The following SEC22A variants were observed in gnomAD, a reference collection of about 807,000 sequenced individuals.
The protein encoded by SEC22A is vesicle-trafficking protein SEC22a.
In SEC22A, 22 loss-of-function variants were observed where a neutral mutation model predicts 35.3. The observed-to-expected ratio is 0.62, with a 90% CI of 0.45 to 0.89. SEC22A has a LOEUF of 0.89. Ranked by LOEUF, SEC22A falls within the 40% of genes least tolerant of loss-of-function variation. SEC22A has a pLI of 0.00. For missense variants in SEC22A, 354 were observed against 362.5 expected (o/e 0.98, Z 0.19); for synonymous variants, 119 against 129.5 (o/e 0.92, Z 0.55).
At chr3:123,242,657 A>G (rs1937534518) in intron 4 of SEC22A, among the ~76,000 whole-genome samples, 1 of 152,222 alleles carries the variant, frequency 6.6e-6, no homozygotes, top group African/African-American at 2.4e-5. Context: ...TAGAAAGAGC[A>G]TGGGCTCTGC....
chr3:123,215,287 C>G (rs1268607816), intron 2 of SEC22A, among the ~76,000 whole-genome samples: 1 of 152,200 alleles, frequency 6.6e-6, no homozygotes, highest in African/African-American at 2.4e-5. Flanking sequence ...CAGTCTCTCA[C>G]CTTTTGCAGA....
At chr3:123,218,404 A>T (rs2108039914) in intron 2 of SEC22A, among the ~76,000 whole-genome samples, 1 of 152,318 alleles carries the variant, frequency 6.6e-6, no homozygotes, top group East Asian at 1.9e-4. Context: ...GTAGGAAAAA[A>T]CCTTGGCAAT....
chr3:123,269,844 G>A (rs930174704), intron 6 of SEC22A, among the ~76,000 whole-genome samples: 1 of 151,996 alleles, frequency 6.6e-6, no homozygotes, highest in African/African-American at 2.4e-5. Context: ...GTGTTAGCCA[G>A]GATGGTCTCA....
intron 3 of SEC22A, among the ~76,000 whole-genome samples, chr3:123,224,020 A>G (rs1040791731): frequency 5.9e-5 from 9 of 152,192 alleles, no homozygotes; most frequent in Admixed American, 3.3e-4. Context: ...ATAATCTTTT[A>G]TAGTCTGCTT....
At chr3:123,247,298 G>T (rs988002865) in intron 5 of SEC22A, among the ~76,000 whole-genome samples, 3 of 152,140 alleles carry the variant, frequency 2.0e-5, no homozygotes, top group Admixed American at 2.0e-4. Flanking sequence ...GGTGAAGCAG[G>T]CTTGGGCTTG....
intron 4 of SEC22A, among the ~76,000 whole-genome samples, chr3:123,239,114 C>T (rs1380675296): frequency 6.6e-6 from 1 of 151,920 alleles, no homozygotes; most frequent in African/African-American, 2.4e-5. Flanking sequence ...GTGTCCACCC[C>T]GTTTTAAAGT....
chr3:123,231,925 C>G (rs1466949079), intron 4 of SEC22A, among the ~76,000 whole-genome samples: 1 of 152,064 alleles, frequency 6.6e-6, no homozygotes, highest in African/African-American at 2.4e-5. Flanking sequence ...TAGATTGACC[C>G]AGAAAATAAT....
intron 6 of SEC22A, among the ~76,000 whole-genome samples, chr3:123,266,564 T>C (rs1938030860): frequency 6.6e-6 from 1 of 152,188 alleles, no homozygotes; most frequent in Non-Finnish European, 1.5e-5. Flanking sequence ...TTGCATCGTT[T>C]CACTTCTAAA....
At chr3:123,258,932 A>G (rs938951722) in intron 5 of SEC22A, among the ~76,000 whole-genome samples, 1 of 152,186 alleles carries the variant, frequency 6.6e-6, no homozygotes, top group African/African-American at 2.4e-5. Context: ...GAGACATTCT[A>G]TGCATGAGGT....
chr3:123,259,950 G>A (rs892709006), intron 6 of SEC22A, among the ~76,000 whole-genome samples: 17 of 151,896 alleles, frequency 1.1e-4, no homozygotes, highest in African/African-American at 3.6e-4. Context: ...TGGCCAACAC[G>A]GTGAAACCTT....
chr3:123,231,418 A>T (rs1937323611), intron 4 of SEC22A, among the ~76,000 whole-genome samples: 1 of 152,228 alleles, frequency 6.6e-6, no homozygotes, highest in South Asian at 2.1e-4. Context: ...AAGCTAAACA[A>T]AACAAAAAGA....
chr3:123,208,068 T>G (rs1212970988), intron 1 of SEC22A, among the ~76,000 whole-genome samples: 1 of 152,204 alleles, frequency 6.6e-6, no homozygotes, highest in Non-Finnish European at 1.5e-5. Flanking sequence ...CTGCATCCGT[T>G]TTTCAATCCC....
intron 1 of SEC22A, among the ~76,000 whole-genome samples, chr3:123,206,679 A>G (rs1278167385): frequency 6.6e-6 from 1 of 152,212 alleles, no homozygotes; most frequent in Non-Finnish European, 1.5e-5. Context: ...TTAGGAGAGA[A>G]AAAAACTAGA....
intron 2 of SEC22A, among the ~76,000 whole-genome samples, chr3:123,216,015 G>C (rs1937015868): frequency 1.3e-5 from 2 of 152,180 alleles, no homozygotes; most frequent in Admixed American, 1.3e-4. Context: ...GTTGGGGGAA[G>C]GAGATAACCT....
At chr3:123,228,969 A>G (rs1455482727) in intron 4 of SEC22A, among the ~76,000 whole-genome samples, 2 of 152,216 alleles carry the variant, frequency 1.3e-5, no homozygotes, top group African/African-American at 4.8e-5. Flanking sequence ...AACAGAAAAA[A>G]GAATGAAGAA....
intron 5 of SEC22A, among the ~76,000 whole-genome samples, chr3:123,253,651 G>C (rs1355573994): frequency 1.3e-5 from 2 of 149,214 alleles, no homozygotes; most frequent in African/African-American, 2.5e-5. Context: ...GGCGGAGGTT[G>C]TAGTGAGCCG....
rs1254430359 is a variant in SEC22A at position 123,269,868 on chromosome 3, G to A, written c.724-1654G>A. On this transcript the variant is annotated intron_variant, in intron 6 of 6. Coordinates refer to ENST00000492595, the MANE Select transcript of SEC22A (RefSeq NM_012430.5). Reference sequence around the variant, plus strand: ...AGGATGGTCTCAATCTCCTGACCTCGTGATCCGCCTGCCTGGGCCTCCCAA... The same window carrying A: ...AGGATGGTCTCAATCTCCTGACCTCATGATCCGCCTGCCTGGGCCTCCCAA... Among the ~76,000 whole-genome samples the A allele has an allele frequency of 3.9e-5, 6 of 152,052 alleles. No individual in the cohort carries two copies. The East Asian group carries it at 7.7e-4, about 20-fold the overall frequency.
chr3:123,262,885 C>T (rs910010862), intron 6 of SEC22A, among the ~76,000 whole-genome samples: 3 of 152,078 alleles, frequency 2.0e-5, no homozygotes, highest in Admixed American at 6.5e-5. Context: ...TGTAGATTTA[C>T]GTGGAGTTGC....
Position 123,271,620 on chromosome 3 carries a change from C to G in SEC22A, c.822C>G (p.Arg274=). The G allele has an allele frequency of 1.9e-6, 3 of 1,614,180 alleles. No individual in the cohort carries two copies. The highest frequency in any genetic ancestry group is 2.5e-6 in the Non-Finnish European group (3 of 1,180,010). ...CLCNMYLYEL[R]NLWQLFFHVT... is the part of the protein sequence containing the mutation. ...GCAACATGTATCTCTATGAACTGCG[C>G]AACCTCTGGCAGCTTTTCTTTCATG... The change falls in exon 7 of 7, where the codon CGC becomes CGG. Residue 274 remains arginine, a synonymous_variant. Transcript: ENST00000492595.
Sources: allele counts gnomAD v4.1 joint callset (sites outside exome capture counted in the v4.1 genomes callset), GRCh38; gene constraint gnomAD v4.1.1; transcripts MANE v1.5; gene names NCBI Gene and HGNC (gene_info 2026-07-23, HGNC 2026-07-21).